Variants in NHSL2 observed in about 807,000 individuals in gnomAD.
NHSL2 encodes NHS like 2.
In NHSL2, 27 loss-of-function variants were observed where a neutral mutation model predicts 53.4. That is an observed-to-expected ratio of 0.51 (90% confidence interval 0.37 to 0.70). The LOEUF (loss-of-function observed/expected upper bound fraction) is 0.70. Among genes scored for constraint, NHSL2 ranks in the 30% least tolerant of loss-of-function variants. NHSL2 has a pLI of 0.00. For synonymous variants in NHSL2, 408 were observed against 404.1 expected (o/e 1.01, Z -0.12); for missense variants, 892 against 980.1 (o/e 0.91, Z 1.20).
At chrX:71,977,033 T>C (rs996020010) in intron 1 of NHSL2, among the ~76,000 whole-genome samples, 13 of 112,021 alleles carry the variant, frequency 1.2e-4, no homozygotes, top group African/African-American at 4.2e-4. Context: ...CAAGAAAGGA[T>C]TGGCCAGCTG....
intron 1 of NHSL2, among the ~76,000 whole-genome samples, chrX:72,046,013 C>T (rs1394932304): frequency 5.4e-5 from 6 of 112,005 alleles, no homozygotes; most frequent in Non-Finnish European, 1.1e-4. Context: ...CCCTCACCCT[C>T]ATTCAGGGAG....
At chrX:72,089,149 C>G (rs1210497119) in intron 1 of NHSL2, among the ~76,000 whole-genome samples, 1 of 110,475 alleles carries the variant, frequency 9.1e-6, no homozygotes, top group Non-Finnish European at 1.9e-5. Flanking sequence ...TCACCTTGAA[C>G]AAGAAGCCTC....
chrX:72,079,570 G>A (rs1421671273), intron 1 of NHSL2, among the ~76,000 whole-genome samples: 2 of 112,617 alleles, frequency 1.8e-5, no homozygotes, highest in Non-Finnish European at 3.8e-5. Flanking sequence ...GTAGGCCATT[G>A]CTAGGCGTTG....
intron 1 of NHSL2, among the ~76,000 whole-genome samples, chrX:71,991,839 TCTCTC>T (rs2042028716): frequency 9.0e-6 from 1 of 110,943 alleles, no homozygotes; most frequent in Non-Finnish European, 1.9e-5. Flanking sequence ...TCTCTCTCTC[TCTCTC>T]TCTCTCTGTC....
chrX:72,026,219 C>G (rs2042185009), intron 1 of NHSL2, among the ~76,000 whole-genome samples: 1 of 112,150 alleles, frequency 8.9e-6, no homozygotes, highest in African/African-American at 3.2e-5. Context: ...ATTAATATCA[C>G]CTGGGGAGCT....
At position 72,139,967 on chromosome X, in the gene NHSL2, G is replaced by T. The variant is rs147802859; in HGVS notation, c.2419G>T (p.Val807Phe). 8.7e-5 allele frequency: 105 copies of T among 1,207,580 alleles called. 1 individual carries two copies. The South Asian group carries it at 1.8e-3, about 21-fold the overall frequency. ...GCACCACTCAGAGACAAATTTTGGC[G>T]TCAAGCTGGCCCAGAAAACTAATCC... is the stretch of plus-strand genomic sequence containing the variant. ...SRHHSETNFG[V>F]KLAQKTNPNQ... Residue 807 changes from valine (V) to phenylalanine (F), a missense_variant, in exon 6 of 8, where the codon GTC becomes TTC. Val to Phe is a conservative substitution (Grantham distance 50). Coordinates refer to ENST00000633930, the MANE Select transcript of NHSL2 (RefSeq NM_001013627.3).
chrX:72,018,388 G>C (rs1379653902), intron 1 of NHSL2, among the ~76,000 whole-genome samples: 6 of 112,455 alleles, frequency 5.3e-5, no homozygotes, highest in Non-Finnish European at 1.1e-4. Flanking sequence ...TGATAAAAAC[G>C]ACCCCTATCC....
At chrX:72,102,867 T>C (rs2042006796) in intron 1 of NHSL2, among the ~76,000 whole-genome samples, 1 of 111,910 alleles carries the variant, frequency 8.9e-6, no homozygotes, top group Non-Finnish European at 1.9e-5. Context: ...GACTGGTTCA[T>C]GGAAAGCAAT....
intron 1 of NHSL2, among the ~76,000 whole-genome samples, chrX:71,932,455 C>T: frequency 9.0e-6 from 1 of 111,069 alleles, no homozygotes; most frequent in East Asian, 2.8e-4. Flanking sequence ...CTCACTCTGG[C>T]TGCTGTGCTG....
intron 1 of NHSL2, among the ~76,000 whole-genome samples, chrX:71,971,177 A>T (rs953974160): frequency 8.9e-6 from 1 of 111,747 alleles, no homozygotes; most frequent in Non-Finnish European, 1.9e-5. Flanking sequence ...CTTTTTAAAA[A>T]AGTTTTTTTC....
At chrX:72,034,751 CTG>C (rs1363589304) in intron 1 of NHSL2, among the ~76,000 whole-genome samples, 1 of 112,093 alleles carries the variant, frequency 8.9e-6, no homozygotes, top group African/African-American at 3.2e-5. Context: ...GCTTCAGAAT[CTG>C]TACTGATAAC....
chrX:72,095,078 T>TTGGCCCCTGTTGCCA (rs1297293463), intron 1 of NHSL2, among the ~76,000 whole-genome samples: 2 of 112,029 alleles, frequency 1.8e-5, no homozygotes, highest in Non-Finnish European at 3.8e-5. Flanking sequence ...CTCTCAGTGC[T>TTGGCCCCTGTTGCCA]TGGCCCCTGT....
intron 1 of NHSL2, among the ~76,000 whole-genome samples, chrX:72,114,663 C>T (rs572925570): frequency 4.8e-4 from 54 of 112,304 alleles, no homozygotes; most frequent in South Asian, 3.7e-3. Flanking sequence ...AGGGAGCCAC[C>T]CTGGCAAGAT....
At chrX:72,085,794 G>C (rs1021379066) in intron 1 of NHSL2, among the ~76,000 whole-genome samples, 6 of 107,211 alleles carry the variant, frequency 5.6e-5, no homozygotes, top group African/African-American at 2.0e-4. Flanking sequence ...GAGGAGTTGG[G>C]TCCCAGGCAG....
At chrX:72,060,672 G>A (rs919518648) in intron 1 of NHSL2, among the ~76,000 whole-genome samples, 2 of 112,053 alleles carry the variant, frequency 1.8e-5, no homozygotes, top group African/African-American at 3.2e-5. Flanking sequence ...ACTCCTCATC[G>A]ACAAACATAA....
chrX:71,929,336 T>C (rs138340595), intron 1 of NHSL2, among the ~76,000 whole-genome samples: 18 of 112,481 alleles, frequency 1.6e-4, no homozygotes, highest in African/African-American at 5.5e-4. Flanking sequence ...ATTGAATGAG[T>C]GAAATTTCAA....
At position 72,151,948 on chromosome X, in the gene NHSL2, CA is replaced by C. The variant is rs2042517272; in HGVS notation, c.*8375del. On this transcript the variant is annotated 3_prime_UTR_variant, in exon 8 of 8. Transcript: ENST00000633930. ...TAATGCAGTTTGGACCTGTTCTAGA[CA>C]GAGCACTCAGCCTTAGCAAGAAAAC... 8.9e-6 allele frequency: 1 copy of C among 112,574 alleles called. No homozygotes were observed. The highest frequency in any genetic ancestry group is 3.2e-5 in the African/African-American group (1 of 30,972). The allele number at this position is 112,574 out of a possible 1,213,427, so 9.3% of individuals were successfully genotyped here.
At chrX:71,993,427 T>A (rs765881793) in intron 1 of NHSL2, among the ~76,000 whole-genome samples, 2 of 111,949 alleles carry the variant, frequency 1.8e-5, no homozygotes, top group Non-Finnish European at 3.8e-5. Context: ...GGGGTCAAGG[T>A]AAGCCAAGCC....
At position 72,140,656 on chromosome X, in the gene NHSL2, C is replaced by G; in HGVS notation, c.3108C>G (p.Ile1036Met). 1.7e-6 allele frequency: 2 copies of G among 1,211,759 alleles called. No homozygotes were observed. Among genetic ancestry groups the G allele is most frequent in the Non-Finnish European group, 2.2e-6 (2 of 895,083 alleles). Residue 1036 changes from isoleucine to methionine, a missense_variant, in exon 6 of 8, where the codon ATC becomes ATG. By Grantham distance (10) the Ile-to-Met change is conservative (BLOSUM62 1). Coordinates refer to ENST00000633930, the MANE Select transcript of NHSL2 (RefSeq NM_001013627.3). ...AACCAAGGCTGCCTCTCAGCCCCAT[C>G]ATCACCCTGGAGGAAGACACCAAGT... ...VAEPRLPLSPIITLEEDTKCP... is the reference protein window; with the variant it reads ...VAEPRLPLSPMITLEEDTKCP...
Sources: gnomAD v4.1 joint callset for allele counts (sites outside exome capture counted in the v4.1 genomes callset) on GRCh38, gnomAD v4.1.1 for gene constraint, MANE v1.5 for transcripts, NCBI Gene and HGNC (gene_info 2026-07-23, HGNC 2026-07-21) for gene names.